ADAMTS3: variants seen among roughly 807,000 people sequenced by gnomAD.
ADAMTS3 encodes the protein ADAM metallopeptidase with thrombospondin type 1 motif 3.
A neutral mutation model predicts 129.0 loss-of-function variants in ADAMTS3; 73 were observed. The observed-to-expected ratio is 0.57, with a 90% CI of 0.47 to 0.69. The LOEUF (loss-of-function observed/expected upper bound fraction) is 0.69. ADAMTS3 is among the 30% of genes least tolerant of loss of function. The pLI, the probability that ADAMTS3 is intolerant of heterozygous loss-of-function variation, is 0.00. For missense variants in ADAMTS3, 1,457 were observed against 1,514.5 expected, an observed-to-expected ratio of 0.96 and a Z score of 0.63; for synonymous variants, 477 against 510.8, an observed-to-expected ratio of 0.93 and a Z score of 0.89.
rs377294345 is a variant in ADAMTS3, at chr4:72,290,925, C to T, written c.2861G>A (p.Arg954His). The T allele has an allele frequency of 4.8e-5, 77 of 1,613,942 alleles. No individual in the cohort carries two copies. The highest frequency in any genetic ancestry group is 4.1e-4 in the South Asian group (37 of 91,090). The stretch of plus-strand genomic sequence containing the variant: ...GTTACAGGGCCGGCGGCTCTCGGGA[C>T]GGTCACCCATGCAGTATTTGCTGTG... ...SVHSKYCMGD[R>H]PESRRPCNRV... Residue 954 changes from arginine (R) to histidine (H), a missense_variant, in exon 20 of 22, where the codon CGT (arginine) becomes CAT (histidine). By Grantham distance (29) the Arg-to-His change is conservative. Transcript: ENST00000286657.
rs1371647405 is a variant in ADAMTS3 at position 72,455,919 on chromosome 4, C to T, written c.505-40948G>A. Among the ~76,000 whole-genome samples, 924 of 98,954 alleles carry T rather than the reference C, an allele frequency of 9.3e-3. 90 individuals carry two copies. Among genetic ancestry groups the T allele is most frequent in the African/African-American group, 0.04 (876 of 22,010 alleles). 64.9% of individuals were successfully genotyped at this position (98,954 alleles called of 152,430 possible). A position where few individuals can be genotyped will look rare whatever the true frequency, so the allele number is the denominator to read the frequency against. On this transcript the variant is annotated intron_variant, in intron 3 of 21. Transcript: ENST00000286657. ...ATATAGTATATACACTGTATATATA[C>T]TATATATATTTTATATATAGTATAT...
intron 4 of ADAMTS3, among the ~76,000 whole-genome samples, chr4:72,353,154 G>A (rs1044422025): frequency 2.6e-5 from 4 of 151,936 alleles, no homozygotes; most frequent in Non-Finnish European, 5.9e-5. Context: ...TTGTGTACTT[G>A]TATTCAATGA....
chr4:72,514,060 C>A (rs1192871050), intron 3 of ADAMTS3, among the ~76,000 whole-genome samples: 1 of 152,122 alleles, frequency 6.6e-6, no homozygotes, highest in Non-Finnish European at 1.5e-5. Flanking sequence ...ATTTTCATCT[C>A]TCTCCTTCTT....
chr4:72,423,469 C>T (rs1271825611), intron 3 of ADAMTS3, among the ~76,000 whole-genome samples: 1 of 152,074 alleles, frequency 6.6e-6, no homozygotes, highest in Non-Finnish European at 1.5e-5. Flanking sequence ...CTGTTATTTC[C>T]TCAAACATCT....
At chr4:72,516,148 G>C (rs1442429937) in intron 3 of ADAMTS3, among the ~76,000 whole-genome samples, 2 of 152,054 alleles carry the variant, frequency 1.3e-5, no homozygotes, top group African/African-American at 2.4e-5. Flanking sequence ...GATAGTTGTA[G>C]ATATGCAGCA....
At chr4:72,516,032 T>A (rs1183666110) in intron 3 of ADAMTS3, among the ~76,000 whole-genome samples, 4 of 152,176 alleles carry the variant, frequency 2.6e-5, no homozygotes, top group African/African-American at 7.2e-5. Flanking sequence ...AAGGAAGGGA[T>A]CCAGTTCCAG....
chr4:72,313,569 C>A, intron 12 of ADAMTS3, 108 bp downstream of exon 12: 3 of 1,173,316 alleles, frequency 2.6e-6, no homozygotes, highest in Non-Finnish European at 3.5e-6. Context: ...AATTTATTTT[C>A]CTGCCCTGTG....
intron 4 of ADAMTS3, among the ~76,000 whole-genome samples, chr4:72,374,933 A>G (rs1283596261): frequency 6.6e-6 from 1 of 152,196 alleles, no homozygotes; most frequent in Admixed American, 6.5e-5. Flanking sequence ...AAAAGTCCCT[A>G]CCTAAGCTGT....
At chr4:72,296,833 CAT>C (rs1718821970) in intron 18 of ADAMTS3, among the ~76,000 whole-genome samples, 1 of 152,078 alleles carries the variant, frequency 6.6e-6, no homozygotes, top group Non-Finnish European at 1.5e-5. Context: ...AGTCAAGGAT[CAT>C]ATGTTGCGTT....
intron 3 of ADAMTS3, among the ~76,000 whole-genome samples, chr4:72,537,338 T>A (rs1721206937): frequency 6.6e-6 from 1 of 152,188 alleles, no homozygotes; most frequent in Non-Finnish European, 1.5e-5. Context: ...TGTTACTCCC[T>A]CCATTGTTGC....
intron 5 of ADAMTS3, among the ~76,000 whole-genome samples, chr4:72,326,563 C>T (rs1360113728): frequency 6.6e-6 from 1 of 152,032 alleles, no homozygotes; most frequent in East Asian, 1.9e-4. Flanking sequence ...TCTCGATTTT[C>T]TTGTTGACAA....
chr4:72,320,607 T>C, intron 7 of ADAMTS3, 107 bp downstream of exon 7: 1 of 1,164,390 alleles, frequency 8.6e-7, no homozygotes, highest in Non-Finnish European at 1.2e-6. Flanking sequence ...CGGTGTGTGG[T>C]GGAAAGCAGT....
chr4:72,437,269 C>T (rs1408056770), intron 3 of ADAMTS3, among the ~76,000 whole-genome samples: 1 of 151,828 alleles, frequency 6.6e-6, no homozygotes, highest in Non-Finnish European at 1.5e-5. Flanking sequence ...AGTACAAATG[C>T]AGTGTTGTTC....
At chr4:72,505,688 T>C (rs1331205042) in intron 3 of ADAMTS3, among the ~76,000 whole-genome samples, 5 of 152,194 alleles carry the variant, frequency 3.3e-5, no homozygotes, top group African/African-American at 4.8e-5. Flanking sequence ...TAGGTAGGCA[T>C]GAAACTGGGA....
intron 3 of ADAMTS3, chr4:72,442,182 T>C (rs1264996207): frequency 6.6e-6 from 1 of 151,934 alleles, no homozygotes; most frequent in Middle Eastern, 3.4e-3. Context: ...CTTCTCCATG[T>C]GGCTAGAGTG....
chr4:72,305,262 T>C (rs1207456585), intron 16 of ADAMTS3, among the ~76,000 whole-genome samples: 1 of 151,910 alleles, frequency 6.6e-6, no homozygotes, highest in Non-Finnish European at 1.5e-5. Flanking sequence ...TATAATCAGC[T>C]CTCCGTGGCA....
At chr4:72,287,768 G>A (rs1465935028) in intron 21 of ADAMTS3, among the ~76,000 whole-genome samples, 6 of 152,134 alleles carry the variant, frequency 3.9e-5, no homozygotes, top group Admixed American at 1.3e-4. Context: ...ACAGATGACC[G>A]AGCACAGGAC....
chr4:72,516,062 C>A (rs538665328), intron 3 of ADAMTS3, among the ~76,000 whole-genome samples: 79 of 152,262 alleles, frequency 5.2e-4, no homozygotes, highest in Admixed American at 1.4e-3. Context: ...TATGGCTACC[C>A]AGTTTTCCCA....
At chr4:72,400,252 G>GTGTA (rs1553912320) in intron 4 of ADAMTS3, among the ~76,000 whole-genome samples, 2 of 146,242 alleles carry the variant, frequency 1.4e-5, no homozygotes, top group African/African-American at 5.1e-5. Flanking sequence ...CACATGGTGT[G>GTGTA]TATATACGTG....
Sources: gnomAD v4.1 joint callset for allele counts (sites outside exome capture counted in the v4.1 genomes callset) on GRCh38, gnomAD v4.1.1 for gene constraint, MANE v1.5 for transcripts, NCBI Gene and HGNC (gene_info 2026-07-23, HGNC 2026-07-21) for gene names.